The following OR10D3 variants were observed in gnomAD, a reference collection of about 807,000 sequenced individuals.
OR10D3 encodes the protein olfactory receptor family 10 subfamily D member 3, also known as olfactory receptor 10D3.
For missense variants in OR10D3, 286 were observed against 153.7 expected, an observed-to-expected ratio of 1.86 and a Z score of -4.55; for synonymous variants, 100 against 57.6, an observed-to-expected ratio of 1.74 and a Z score of -3.33.
At chr11:124,186,470 C>A in exon 2 of OR10D3, 1 of 274,052 alleles carries the variant, frequency 3.6e-6, no homozygotes. Context: ...AATTGCCTGT[C>A]CCTGGAAGGA....
exon 2 of OR10D3, chr11:124,185,580 T>A (rs775090083): frequency 1.0e-5 from 7 of 703,510 alleles, no homozygotes. Context: ...CTTTTCTTCT[T>A]CCATTTCCTC....
exon 2 of OR10D3, chr11:124,185,537 C>A (rs1211250801): frequency 1.4e-6 from 1 of 703,376 alleles, no homozygotes; most frequent in South Asian, 1.5e-5. Context: ...GGGGCTGAGC[C>A]GACTCATCTC....
chr11:124,185,924 A>G (rs112559145), exon 2 of OR10D3: 2 of 703,112 alleles, frequency 2.8e-6, no homozygotes, highest in Admixed American at 2.0e-5. Context: ...TTTATCCTAC[A>G]CTAGAATCAC....
At chr11:124,184,085 T>C (rs1259965811) in intron 1 of OR10D3, among the ~76,000 whole-genome samples, 1 of 152,206 alleles carries the variant, frequency 6.6e-6, no homozygotes, top group East Asian at 1.9e-4. Context: ...TGATTGCTTT[T>C]TGGAATGTAG....
At chr11:124,183,645 C>T (rs1251223635) in intron 1 of OR10D3, among the ~76,000 whole-genome samples, 2 of 150,576 alleles carry the variant, frequency 1.3e-5, no homozygotes, top group African/African-American at 4.9e-5. Context: ...GCAACCTCCA[C>T]CTCCCGGGTT....
chr11:124,185,749 C>A, exon 2 of OR10D3: 1 of 703,622 alleles, frequency 1.4e-6, no homozygotes. Flanking sequence ...GTATCTTGAC[C>A]TCCCTCACCT....
exon 2 of OR10D3, chr11:124,185,955 G>A (rs937728907): frequency 2.3e-5 from 16 of 703,110 alleles, no homozygotes; most frequent in Non-Finnish European, 3.4e-5. Flanking sequence ...TTAAGCATTC[G>A]TACAACTGAG....
chr11:124,185,751 C>T (rs1227046422), exon 2 of OR10D3: 2 of 703,540 alleles, frequency 2.8e-6, no homozygotes, highest in Non-Finnish European at 5.2e-6. Context: ...ATCTTGACCT[C>T]CCTCACCTTC....
exon 2 of OR10D3, chr11:124,187,655 A>T (rs1367515649): frequency 6.6e-6 from 1 of 152,224 alleles, no homozygotes; most frequent in African/African-American, 2.4e-5. Flanking sequence ...ACTCCTAAGC[A>T]TGACACCCGA....
exon 2 of OR10D3, chr11:124,185,917 A>G: frequency 1.4e-6 from 1 of 703,128 alleles, no homozygotes; most frequent in Non-Finnish European, 2.6e-6. Context: ...TAATTCTTTT[A>G]TCCTACACTA....
chr11:124,187,752 C>T (rs2137701011), exon 2 of OR10D3: 1 of 152,244 alleles, frequency 6.6e-6, no homozygotes, highest in East Asian at 1.9e-4. Flanking sequence ...TCATTTGTGC[C>T]TTAAATTTCT....
At chr11:124,186,200 G>C (rs1363746691) in exon 2 of OR10D3, 1 of 698,084 alleles carries the variant, frequency 1.4e-6, no homozygotes, top group Non-Finnish European at 2.6e-6. Flanking sequence ...CCATGTTCCT[G>C]AGAGTTAGTA....
rs149701483 is a variant in OR10D3 at position 124,185,813 on chromosome 11, C to G, written c.544C>G (p.Pro182Ala). 8 of 703,718 alleles carry G rather than the reference C, an allele frequency of 1.1e-5. 1 individual carries two copies. In the East Asian group the frequency reaches 2.1e-4, roughly 19 times the overall value. The allele number at this position is 703,718 out of a possible 1,614,324, so 43.6% of individuals were successfully genotyped here. Residue 182 changes from proline to alanine, a missense_variant, in exon 2 of 2, where the codon CCA (proline) becomes GCA (alanine). Pro to Ala is a conservative substitution (Grantham distance 27). Transcript: ENST00000641351. ...AGTGGATCACTTCTTCTGTGACATT[C>G]CAGCACTGTTGCCCTTGGCCTGTGC...
At chr11:124,188,571 T>C (rs535038014) in exon 2 of OR10D3, 32 of 152,358 alleles carry the variant, frequency 2.1e-4, no homozygotes, top group African/African-American at 7.5e-4. Flanking sequence ...CACAATCCTC[T>C]CTCTGAGCCC....
exon 2 of OR10D3, chr11:124,186,419 T>C (rs145448526): frequency 6.7e-5 from 28 of 417,336 alleles, no homozygotes; most frequent in Admixed American, 2.4e-4. Context: ...TTCAAAGTCA[T>C]ATAGTCTTGT....
chr11:124,183,917 T>C (rs559751242), intron 1 of OR10D3, among the ~76,000 whole-genome samples: 15 of 152,220 alleles, frequency 9.9e-5, no homozygotes, highest in Admixed American at 3.9e-4. Context: ...TATTTCACTT[T>C]ACAATCAGGA....
At chr11:124,185,762 A>G in exon 2 of OR10D3, 1 of 703,286 alleles carries the variant, frequency 1.4e-6, no homozygotes, top group South Asian at 1.5e-5. Context: ...CCTCACCTTC[A>G]CCTTGCCATA....
intron 1 of OR10D3, chr11:124,184,407 G>GTT (rs1172384258): frequency 1.3e-5 from 2 of 152,208 alleles, no homozygotes; most frequent in Non-Finnish European, 2.9e-5. Context: ...TTGTGTGTGT[G>GTT]TGGGGAGGTA....
At chr11:124,188,295 A>T (rs1861247324) in exon 2 of OR10D3, 1 of 152,264 alleles carries the variant, frequency 6.6e-6, no homozygotes, top group East Asian at 1.9e-4. Flanking sequence ...CTTCCAGTAA[A>T]AAACAGACAA....
Sources: allele counts gnomAD v4.1 joint callset (sites outside exome capture counted in the v4.1 genomes callset), GRCh38; gene constraint gnomAD v4.1.1; transcripts MANE v1.5; gene names NCBI Gene and HGNC (gene_info 2026-07-23, HGNC 2026-07-21).